STS: variants seen among roughly 807,000 people sequenced by gnomAD.
STS encodes steryl-sulfatase.
STS carries 7 observed loss-of-function variants against 26.8 expected under a neutral mutation model. The observed-to-expected ratio is 0.26, with a 90% CI of 0.15 to 0.49. The LOEUF is 0.49. Ranked by LOEUF, STS falls within the 20% of genes least tolerant of loss-of-function variation. The pLI is 0.98. For missense variants in STS, 434 were observed against 465.6 expected, an observed-to-expected ratio of 0.93 and a Z score of 0.63; for synonymous variants, 199 against 189.4, an observed-to-expected ratio of 1.05 and a Z score of -0.42.
At chrX:7,177,334 A>C (rs1454919745) in intron 1 of STS, among the ~76,000 whole-genome samples, 1 of 111,243 alleles carries the variant, frequency 9.0e-6, no homozygotes, top group African/African-American at 3.3e-5. Flanking sequence ...TTGTGAAAAT[A>C]AAATCATAGT....
In STS at chrX:7,222,528, C is replaced by CAAAA. The variant is rs770658761; in HGVS notation, c.-4-30648_-4-30645dup. On this transcript the variant is annotated intron_variant, in intron 2 of 10. Coordinates refer to ENST00000674429, the MANE Select transcript of STS (RefSeq NM_001320752.2). ...TTGTGAGAAAGGATGCCCTCAGCTG[C>CAAAA]AAAAAAAAAAAAAAAAAAAAAAAGA... 8.8e-3 allele frequency among the ~76,000 whole-genome samples: 347 copies of CAAAA among 39,253 alleles called. 12 individuals are homozygous for CAAAA. Among genetic ancestry groups the CAAAA allele is most frequent in the East Asian group, 0.012 (13 of 1,063 alleles). The allele number at this position is 39,253 out of a possible 115,157, so 34.1% of individuals were successfully genotyped here. A position where few individuals can be genotyped will look rare whatever the true frequency, so the allele number is the denominator to read the frequency against.
intron 1 of STS, among the ~76,000 whole-genome samples, chrX:7,171,420 G>T (rs1344397873): frequency 9.0e-6 from 1 of 111,600 alleles, no homozygotes. Flanking sequence ...AGCCTGCCCT[G>T]GTCTTGGGAC....
At chrX:7,322,541 T>C (rs1430400764) in intron 8 of STS, among the ~76,000 whole-genome samples, 11 of 111,707 alleles carry the variant, frequency 9.8e-5, no homozygotes, top group Non-Finnish European at 2.1e-4. Context: ...GCTGGGATTA[T>C]AGGCGTGCGC....
rs1206736502 is a variant in STS, at chrX:7,351,196, C to T, written c.*935C>T. 2 of 112,073 alleles carry T rather than the reference C, an allele frequency of 1.8e-5. No homozygotes were observed. The highest frequency in any genetic ancestry group is 6.5e-5 in the African/African-American group (2 of 30,823). 9.2% of individuals were successfully genotyped at this position (112,073 alleles called of 1,213,427 possible). On this transcript the variant is annotated 3_prime_UTR_variant, in exon 11 of 11. Transcript: ENST00000674429. Reference sequence around the variant, plus strand: ...GATGCTGTGGTTCATGGAATCTCTTCCAGTGTAATTCAGAATCATTGGCCT... The same window carrying T: ...GATGCTGTGGTTCATGGAATCTCTTTCAGTGTAATTCAGAATCATTGGCCT...
At chrX:7,233,091 C>CTTTTTT (rs3077766) in intron 2 of STS, among the ~76,000 whole-genome samples, 16 of 69,866 alleles carry the variant, frequency 2.3e-4, no homozygotes, top group African/African-American at 2.6e-4. Context: ...TTCTTTTTTT[C>CTTTTTT]TTTTTTTTTT....
chrX:7,214,931 G>GTA (rs1445039963), intron 2 of STS, among the ~76,000 whole-genome samples: 13 of 91,876 alleles, frequency 1.4e-4, no homozygotes, highest in African/African-American at 3.6e-4. Flanking sequence ...GTGTGTGTGT[G>GTA]TATATATATA....
intron 1 of STS, among the ~76,000 whole-genome samples, chrX:7,170,344 G>A (rs1933442677): frequency 9.0e-6 from 1 of 111,419 alleles, no homozygotes; most frequent in Non-Finnish European, 1.9e-5. Flanking sequence ...GGGGGGTGTC[G>A]AACAATATGG....
At chrX:7,286,045 A>G (rs1360226900) in intron 7 of STS, among the ~76,000 whole-genome samples, 2 of 112,270 alleles carry the variant, frequency 1.8e-5, no homozygotes, top group African/African-American at 6.5e-5. Flanking sequence ...TGAAGCAACA[A>G]ATTGGGCTTT....
chrX:7,244,791 G>A (rs1001985598), intron 2 of STS, among the ~76,000 whole-genome samples: 6 of 111,225 alleles, frequency 5.4e-5, no homozygotes, highest in Non-Finnish European at 1.1e-4. Flanking sequence ...CATGTCAATA[G>A]TGTTGAGGCT....
chrX:7,221,935 A>C lies in STS; in HGVS notation c.-5+30927A>C, dbSNP rs1478676267. Among the ~76,000 whole-genome samples the C allele has an allele frequency of 2.7e-5, 3 of 111,340 alleles. No individual in the cohort carries two copies. The East Asian group carries it at 8.5e-4, about 32-fold the overall frequency. ...TCATATGTTGAAACCCCAACCCCCA[A>C]AATGATGGTATTTGGCGGTGGGGCT... On this transcript the variant is annotated intron_variant, in intron 2 of 10. Coordinates refer to ENST00000674429, the MANE Select transcript of STS (RefSeq NM_001320752.2).
intron 6 of STS, 40 bp downstream of exon 6, chrX:7,259,812 A>G (rs1354918374): frequency 8.4e-7 from 1 of 1,187,740 alleles, no homozygotes; most frequent in Non-Finnish European, 1.1e-6. Context: ...CTGTTAAAAA[A>G]CATTCTGGGT....
chrX:7,186,734 A>G (rs1175443878), intron 1 of STS, among the ~76,000 whole-genome samples: 1 of 112,635 alleles, frequency 8.9e-6, no homozygotes, highest in Non-Finnish European at 1.9e-5. Context: ...TTGATCAGCA[A>G]GATGAGGCTA....
intron 8 of STS, among the ~76,000 whole-genome samples, chrX:7,306,422 C>T (rs1188485911): frequency 9.0e-6 from 1 of 111,462 alleles, no homozygotes; most frequent in Non-Finnish European, 1.9e-5. Context: ...CACAGTTTAC[C>T]TGCAAAGATA....
At position 7,278,848 on chromosome X, in the gene STS, C is replaced by T. The variant is rs184382923; in HGVS notation, c.943+2761C>T. Among the ~76,000 whole-genome samples the T allele has an allele frequency of 2.2e-4, 24 of 111,592 alleles. No homozygotes were observed. The East Asian group carries it at 4.5e-3, about 21-fold the overall frequency. ...TTTGTGGGAGCCATAGGCTTTTGGT[C>T]CCATAAAGGTTGTCAAGAAATCACT... On this transcript the variant is annotated intron_variant, in intron 7 of 10. Transcript: ENST00000674429.
intron 2 of STS, among the ~76,000 whole-genome samples, chrX:7,194,890 C>T (rs1933944407): frequency 1.8e-5 from 2 of 111,711 alleles, no homozygotes; most frequent in South Asian, 7.5e-4. Context: ...ACCTACTATA[C>T]ACGCAGACTG....
chrX:7,173,759 A>G (rs768651296), intron 1 of STS, among the ~76,000 whole-genome samples: 6 of 112,031 alleles, frequency 5.4e-5, no homozygotes, highest in Middle Eastern at 4.7e-3. Context: ...ATGTGCATTC[A>G]TGTCCCTTGC....
chrX:7,258,511 G>T (rs1923560738), intron 5 of STS, among the ~76,000 whole-genome samples: 1 of 111,473 alleles, frequency 9.0e-6, no homozygotes, highest in Non-Finnish European at 1.9e-5. Flanking sequence ...AATTTGTCTT[G>T]GTTGACACAC....
chrX:7,253,990 C>T (rs1923274327), intron 3 of STS, among the ~76,000 whole-genome samples: 1 of 112,353 alleles, frequency 8.9e-6, no homozygotes, highest in South Asian at 3.7e-4. Flanking sequence ...TGTGTCTTCA[C>T]ATGGTGGAAG....
chrX:7,205,277 TGG>T (rs1934187546), intron 2 of STS, among the ~76,000 whole-genome samples: 1 of 112,414 alleles, frequency 8.9e-6, no homozygotes, highest in Non-Finnish European at 1.9e-5. Flanking sequence ...AGAGAAAGAA[TGG>T]GAATGTAATT....
Sources: gnomAD v4.1 joint callset for allele counts (sites outside exome capture counted in the v4.1 genomes callset) on GRCh38, gnomAD v4.1.1 for gene constraint, MANE v1.5 for transcripts, NCBI Gene and HGNC (gene_info 2026-07-23, HGNC 2026-07-21) for gene names.